The following ZSCAN5B variants were observed in gnomAD, a reference collection of about 807,000 sequenced individuals.
ZSCAN5B encodes zinc finger and SCAN domain-containing protein 5B.
ZSCAN5B carries 26 observed loss-of-function variants against 25.2 expected under a neutral mutation model. The observed-to-expected ratio is 1.03, with a 90% CI of 0.76 to 1.43. The LOEUF (loss-of-function observed/expected upper bound fraction) is 1.43. Among genes scored for constraint, ZSCAN5B ranks in the 40% most tolerant of loss-of-function variants. ZSCAN5B has a pLI of 0.00. For synonymous variants in ZSCAN5B, 244 were observed against 240.9 expected (o/e 1.01, Z -0.12); for missense variants, 745 against 622.1 (o/e 1.20, Z -2.10).
intron 1 of ZSCAN5B, among the ~76,000 whole-genome samples, chr19:56,193,381 G>A (rs1487112966): frequency 6.6e-6 from 1 of 152,094 alleles, no homozygotes; most frequent in Non-Finnish European, 1.5e-5. Context: ...GATCTCTAGG[G>A]GATCATTGTG....
At chr19:56,193,021 T>C (rs781350323) in exon 2 of ZSCAN5B, 9 of 1,589,068 alleles carry the variant, frequency 5.7e-6, no homozygotes, top group African/African-American at 1.3e-5. Flanking sequence ...GGGTCCTCCC[T>C]GACCCCATGA....
intron 3 of ZSCAN5B, 26 bp downstream of exon 3, chr19:56,191,824 C>T: frequency 6.2e-7 from 1 of 1,609,628 alleles, no homozygotes; most frequent in Non-Finnish European, 8.5e-7. Context: ...CACCTCTGCC[C>T]AGACACCAAG....
At chr19:56,191,056 C>T in intron 3 of ZSCAN5B, 69 bp from the exon 4 acceptor site, 2 of 1,604,068 alleles carry the variant, frequency 1.2e-6, no homozygotes, top group South Asian at 2.2e-5. Flanking sequence ...ATGTCTGTCC[C>T]CTCCTGACTG....
intron 4 of ZSCAN5B, 100 bp downstream of exon 4, chr19:56,190,737 C>T: frequency 6.5e-7 from 1 of 1,543,816 alleles, no homozygotes; most frequent in Non-Finnish European, 8.7e-7. Flanking sequence ...GAGATTTTGG[C>T]AGCTGATCGC....
chr19:56,192,420 G>A (rs1173943576), intron 2 of ZSCAN5B, among the ~76,000 whole-genome samples: 1 of 152,134 alleles, frequency 6.6e-6, no homozygotes, highest in Non-Finnish European at 1.5e-5. Context: ...CCTCAGGATG[G>A]GACTTCTGGG....
exon 2 of ZSCAN5B, chr19:56,192,691 T>C: frequency 1.3e-6 from 2 of 1,591,592 alleles, no homozygotes; most frequent in Non-Finnish European, 8.6e-7. Flanking sequence ...TCTTCTGTTA[T>C]TTCGTAGCAG....
At chr19:56,192,630 G>A (rs1452483857) in intron 2 of ZSCAN5B, 39 bp downstream of exon 2, 1 of 1,558,120 alleles carries the variant, frequency 6.4e-7, no homozygotes, top group South Asian at 1.2e-5. Context: ...CCCCATCCCA[G>A]CTCCCCTTCC....
intron 1 of ZSCAN5B, among the ~76,000 whole-genome samples, chr19:56,193,878 C>A (rs1048833233): frequency 1.3e-5 from 2 of 149,758 alleles, no homozygotes; most frequent in Admixed American, 1.3e-4. Context: ...AGGAGAATGG[C>A]GTGAACCCGG....
At chr19:56,190,974 A>G (rs1354331175) in exon 4 of ZSCAN5B, 1 of 1,614,016 alleles carries the variant, frequency 6.2e-7, no homozygotes, top group African/African-American at 1.3e-5. Flanking sequence ...CTTGTGTAGC[A>G]GAAAGTCCTC....
intron 1 of ZSCAN5B, among the ~76,000 whole-genome samples, chr19:56,193,495 T>C (rs2032767476): frequency 6.6e-6 from 1 of 152,218 alleles, no homozygotes; most frequent in African/African-American, 2.4e-5. Context: ...GTAACAATAA[T>C]GTCAGTTCTT....
rs190224155 is a variant in ZSCAN5B, at chr19:56,195,043, G to A, written c.-127-1864C>T. Among the ~76,000 whole-genome samples the A allele has an allele frequency of 5.1e-3, 778 of 152,282 alleles. 2 individuals carry two copies. The highest frequency in any genetic ancestry group is 0.024 in the Middle Eastern group (7 of 292). On this transcript the variant is annotated intron_variant, in intron 1 of 4. Transcript: ENST00000586855. ...GCCCTGCTTTCCTAGACACAGGTGG[G>A]GGAAGCAACCTGAAGGTCTGCAGAG...
chr19:56,196,045 T>C (rs1307864838), intron 1 of ZSCAN5B, among the ~76,000 whole-genome samples: 1 of 152,016 alleles, frequency 6.6e-6, no homozygotes, highest in Admixed American at 6.6e-5. Context: ...TTTTTATTTT[T>C]ATTTCGTTTT....
chr19:56,191,914 C>T lies in ZSCAN5B; in HGVS notation c.524G>A (p.Gly175Glu), dbSNP rs756905021. The T allele has an allele frequency of 1.1e-5, 17 of 1,614,046 alleles. No homozygotes were observed. The highest frequency in any genetic ancestry group is 5.5e-5 in the South Asian group (5 of 91,066). ...CTGCTCTCGGCGGGCCTGGCCTGTCCCCGGATGCATCTGGTTCACAGAGGA... is the reference window on the plus strand; with the variant it reads ...CTGCTCTCGGCGGGCCTGGCCTGTCTCCGGATGCATCTGGTTCACAGAGGA... The change falls in exon 3 of 5, where the codon GGG becomes GAG. Residue 175 changes from glycine to glutamate, a missense_variant. Gly to Glu is a moderately conservative substitution (Grantham distance 98). Coordinates refer to ENST00000586855, the Ensembl canonical transcript of ZSCAN5B.
At chr19:56,194,450 G>A (rs1407359030) in intron 1 of ZSCAN5B, among the ~76,000 whole-genome samples, 2 of 151,900 alleles carry the variant, frequency 1.3e-5, no homozygotes, top group Non-Finnish European at 2.9e-5. Flanking sequence ...CACCACGCCC[G>A]GCTAATTTTT....
exon 2 of ZSCAN5B, chr19:56,193,031 A>C: frequency 6.4e-7 from 1 of 1,572,622 alleles, no homozygotes; most frequent in Non-Finnish European, 8.7e-7. Context: ...TGACCCCATG[A>C]GAGTGTCCAA....
exon 5 of ZSCAN5B, chr19:56,189,849 T>G (rs888590071): frequency 2.5e-6 from 4 of 1,609,554 alleles, no homozygotes; most frequent in Non-Finnish European, 3.4e-6. Flanking sequence ...GGTTTCCCGG[T>G]GTGTTTTCAG....
rs914146804 is a variant in ZSCAN5B at position 56,192,199 on chromosome 19, C to A, written c.385-146G>T. 6.2e-6 allele frequency: 5 copies of A among 805,734 alleles called. No homozygotes were observed. In the South Asian group the frequency reaches 7.3e-5, roughly 12 times the overall value. 49.9% of individuals were successfully genotyped at this position (805,734 alleles called of 1,614,324 possible). ...TGCAGAATCAGCTCTGTGGACACAGCAATCTGTCTGAATTTTTTTCTTCAC... is the reference window on the plus strand; with the variant it reads ...TGCAGAATCAGCTCTGTGGACACAGAAATCTGTCTGAATTTTTTTCTTCAC... On this transcript the variant is annotated intron_variant, in intron 2 of 4. Transcript: ENST00000586855.
Position 56,191,846 on chromosome 19 carries a change from T to C in ZSCAN5B, c.588+4A>G, listed in dbSNP as rs371290938. 2.9e-5 allele frequency: 47 copies of C among 1,612,956 alleles called. No individual in the cohort carries two copies. The highest frequency in any genetic ancestry group is 4.5e-5 in the East Asian group (2 of 44,860). Reference sequence around the variant, plus strand: ...GCCCAGACACCAAGGCCTCACACACTCACCTGCCTCCTGGACAGTGCAGCG... The same window carrying C: ...GCCCAGACACCAAGGCCTCACACACCCACCTGCCTCCTGGACAGTGCAGCG... On this transcript the variant is annotated splice_donor_region_variant and intron_variant, in intron 3 of 4. Transcript: ENST00000586855.
chr19:56,196,420 A>G (rs1458487443), intron 1 of ZSCAN5B, among the ~76,000 whole-genome samples: 1 of 152,178 alleles, frequency 6.6e-6, no homozygotes, highest in Non-Finnish European at 1.5e-5. Flanking sequence ...CATGGTGACT[A>G]TAGTTCACAG....
Sources: gnomAD v4.1 joint callset for allele counts (sites outside exome capture counted in the v4.1 genomes callset) on GRCh38, gnomAD v4.1.1 for gene constraint, MANE v1.5 for transcripts, NCBI Gene and HGNC (gene_info 2026-07-23, HGNC 2026-07-21) for gene names.